The following MALRD1 variants were observed in gnomAD, a reference collection of about 807,000 sequenced individuals.
MALRD1 encodes MAM and LDL receptor class A domain containing 1.
In MALRD1, 247 loss-of-function variants were observed where a neutral mutation model predicts 242.1. The observed-to-expected ratio is 1.02, with a 90% CI of 0.92 to 1.13. The LOEUF (loss-of-function observed/expected upper bound fraction) is 1.13. MALRD1 is among the 50% of genes most tolerant of loss of function. The pLI, the probability that MALRD1 is intolerant of heterozygous loss-of-function variation, is 0.00. For synonymous variants in MALRD1, 995 were observed against 866.6 expected, an observed-to-expected ratio of 1.15 and a Z score of -2.60; for missense variants, 2,989 against 2,533.1, an observed-to-expected ratio of 1.18 and a Z score of -3.86.
In MALRD1 at chr10:19,556,364, G is replaced by A. The variant is rs1246253111; in HGVS notation, c.5479-11138G>A. Among the ~76,000 whole-genome samples, 2 of 152,054 alleles carry A rather than the reference G, an allele frequency of 1.3e-5. 1 individual carries two copies. Among genetic ancestry groups the A allele is most frequent in the African/African-American group, 4.8e-5 (2 of 41,418 alleles). Reference sequence around the variant, plus strand: ...ATTTCATGGATTTTGACAAATGTATGACCTATATCCATAGTATCATGCAGA... The same window carrying A: ...ATTTCATGGATTTTGACAAATGTATAACCTATATCCATAGTATCATGCAGA... On this transcript the variant is annotated intron_variant, in intron 32 of 39. Transcript: ENST00000454679.
chr10:19,181,082 G>A (rs1393505296), intron 14 of MALRD1, among the ~76,000 whole-genome samples: 5 of 152,290 alleles, frequency 3.3e-5, no homozygotes, highest in South Asian at 4.1e-4. Context: ...TAGTAAGAGT[G>A]TGGAGAAAAG....
At position 19,331,269 on chromosome 10, in the gene MALRD1, C is replaced by T. The variant is rs1037035838; in HGVS notation, c.3688-100C>T. 6.8e-6 allele frequency: 7 copies of T among 1,033,600 alleles called. No individual in the cohort carries two copies. The East Asian group carries it at 1.6e-4, about 23-fold the overall frequency. 64.0% of individuals were successfully genotyped at this position (1,033,600 alleles called of 1,614,324 possible). A position where few individuals can be genotyped will look rare whatever the true frequency, so the allele number is the denominator to read the frequency against. On this transcript the variant is annotated intron_variant, in intron 23 of 39. Coordinates refer to ENST00000454679, the MANE Select transcript of MALRD1 (RefSeq NM_001142308.3). The stretch of plus-strand genomic sequence containing the variant: ...AAAACAAAAACAAAAAAACAAACAA[C>T]AAAAAACAGATTCACGATTGATGTG...
intron 31 of MALRD1, among the ~76,000 whole-genome samples, chr10:19,508,317 A>G (rs544980463): frequency 6.6e-6 from 1 of 152,302 alleles, no homozygotes; most frequent in East Asian, 1.9e-4. Context: ...CACTTATTAA[A>G]TGTTTCCTAA....
intron 21 of MALRD1, among the ~76,000 whole-genome samples, chr10:19,298,889 A>T (rs1397130149): frequency 6.6e-6 from 1 of 151,938 alleles, no homozygotes; most frequent in African/African-American, 2.4e-5. Flanking sequence ...CATCATCCAG[A>T]CCCTCAAATC....
chr10:19,110,172 A>G (rs925653258), intron 5 of MALRD1, among the ~76,000 whole-genome samples: 1 of 151,952 alleles, frequency 6.6e-6, no homozygotes, highest in Admixed American at 6.6e-5. Flanking sequence ...GTCCTTTTTC[A>G]TGGAGGGAAA....
intron 14 of MALRD1, among the ~76,000 whole-genome samples, chr10:19,201,154 T>C (rs1836519281): frequency 6.6e-6 from 1 of 152,194 alleles, no homozygotes; most frequent in African/African-American, 2.4e-5. Context: ...AAATTTTATA[T>C]ATGTATACAT....
At chr10:19,338,818 G>A (rs1843714768) in intron 24 of MALRD1, among the ~76,000 whole-genome samples, 1 of 151,208 alleles carries the variant, frequency 6.6e-6, no homozygotes, top group Non-Finnish European at 1.5e-5. Flanking sequence ...TCACCCTGAT[G>A]TGCTGTCAAA....
intron 28 of MALRD1, among the ~76,000 whole-genome samples, chr10:19,448,230 A>C (rs747106730): frequency 2.1e-4 from 32 of 152,078 alleles, no homozygotes; most frequent in Non-Finnish European, 5.9e-5. Flanking sequence ...TGTAAATTAC[A>C]CATTTCATAC....
chr10:19,703,400 C>T (rs552688280), intron 38 of MALRD1, among the ~76,000 whole-genome samples: 126 of 152,268 alleles, frequency 8.3e-4, no homozygotes, highest in African/African-American at 2.8e-3. Context: ...AAGGCACTCT[C>T]GTGGCAGGGA....
intron 26 of MALRD1, among the ~76,000 whole-genome samples, chr10:19,383,386 T>C (rs1405555438): frequency 1.3e-5 from 2 of 152,192 alleles, no homozygotes; most frequent in Non-Finnish European, 2.9e-5. Context: ...ATAATCTCAT[T>C]CTATTTTATA....
chr10:19,211,376 T>A (rs1331093807), intron 18 of MALRD1, among the ~76,000 whole-genome samples: 2 of 151,916 alleles, frequency 1.3e-5, no homozygotes, highest in Non-Finnish European at 2.9e-5. Context: ...AGATCCTCCA[T>A]GCTGTGTGGA....
intron 14 of MALRD1, among the ~76,000 whole-genome samples, chr10:19,187,977 G>A (rs972013937): frequency 6.6e-6 from 1 of 152,134 alleles, no homozygotes; most frequent in Non-Finnish European, 1.5e-5. Flanking sequence ...AAAGTCTTGA[G>A]GCAGGGCTAA....
At chr10:19,317,506 A>G (rs1458473016) in intron 21 of MALRD1, among the ~76,000 whole-genome samples, 1 of 151,988 alleles carries the variant, frequency 6.6e-6, no homozygotes, top group East Asian at 1.9e-4. Context: ...TGTTCACAAC[A>G]GCTTTTTTGG....
In MALRD1 at chr10:19,231,218, G is replaced by A. The variant is rs559155288; in HGVS notation, c.2991+21538G>A. Among the ~76,000 whole-genome samples the A allele has an allele frequency of 2.0e-5, 3 of 152,298 alleles. No homozygotes were observed. The South Asian group carries it at 6.2e-4, about 32-fold the overall frequency. ...AGGCCAACTCTGAAGGGTCACCCCA[G>A]CTTCTCAGCTCCCCCTTGAGATTAG... On this transcript the variant is annotated intron_variant, in intron 18 of 39. Coordinates refer to ENST00000454679, the MANE Select transcript of MALRD1 (RefSeq NM_001142308.3).
chr10:19,283,770 C>A (rs1045212413), intron 21 of MALRD1, among the ~76,000 whole-genome samples: 1 of 152,198 alleles, frequency 6.6e-6, no homozygotes. Context: ...CTAATCTGTT[C>A]TCAACTTTCT....
chr10:19,288,817 C>A (rs1351378001), intron 21 of MALRD1, among the ~76,000 whole-genome samples: 1 of 152,074 alleles, frequency 6.6e-6, no homozygotes, highest in Non-Finnish European at 1.5e-5. Context: ...AACTTCACAA[C>A]CCCCAGACTC....
At chr10:19,631,538 G>T (rs1839906331) in intron 36 of MALRD1, among the ~76,000 whole-genome samples, 2 of 152,058 alleles carry the variant, frequency 1.3e-5, no homozygotes, top group South Asian at 4.1e-4. Context: ...TCCAATGGTA[G>T]CTCTGTTTTA....
chr10:19,082,411 A>T (rs1426976135), intron 2 of MALRD1, among the ~76,000 whole-genome samples: 1 of 132,510 alleles, frequency 7.5e-6, no homozygotes, highest in African/African-American at 3.0e-5. Flanking sequence ...AATTGATTAT[A>T]ATAATTATTG....
chr10:19,370,698 C>T (rs956586220), intron 26 of MALRD1, among the ~76,000 whole-genome samples: 4 of 151,924 alleles, frequency 2.6e-5, no homozygotes, highest in African/African-American at 4.8e-5. Context: ...GTGTCTCAAC[C>T]TCCTGGGTAC....
Sources: gnomAD v4.1 joint callset for allele counts (sites outside exome capture counted in the v4.1 genomes callset) on GRCh38, gnomAD v4.1.1 for gene constraint, MANE v1.5 for transcripts, NCBI Gene and HGNC (gene_info 2026-07-23, HGNC 2026-07-21) for gene names.